Variants in QTGAL observed in about 807,000 individuals in gnomAD.
QTGAL encodes queuosine-tRNA galactosyltransferase, also known as BGnT-like protein 1.
chr17:83,038,094 G>A, the QTGAL span, among the ~76,000 whole-genome samples: 1 of 152,166 alleles, frequency 6.6e-6, no homozygotes, highest in Non-Finnish European at 1.5e-5. Context: ...ATCGTAATAA[G>A]TGAATCAGCC....
At chr17:83,019,340 C>T in the QTGAL span, among the ~76,000 whole-genome samples, 1 of 152,158 alleles carries the variant, frequency 6.6e-6, no homozygotes, top group Non-Finnish European at 1.5e-5. Flanking sequence ...GACAAAATAT[C>T]AGAAAACAAA....
the QTGAL span, among the ~76,000 whole-genome samples, chr17:82,982,164 A>G: frequency 0.013 from 125 of 9,482 alleles, no homozygotes; most frequent in African/African-American, 0.088. Context: ...GAGCGGGTGG[A>G]GGAGCCTCCA....
the QTGAL span, among the ~76,000 whole-genome samples, chr17:83,033,558 G>A: frequency 6.7e-6 from 1 of 149,516 alleles, no homozygotes; most frequent in Admixed American, 6.7e-5. Context: ...TGCAAGCTCC[G>A]CCTCCCGGGT....
At chr17:83,021,951 T>A in the QTGAL span, among the ~76,000 whole-genome samples, 1 of 152,004 alleles carries the variant, frequency 6.6e-6, no homozygotes, top group African/African-American at 2.4e-5. Context: ...CCAAGATAAT[T>A]CCACAGAGAA....
chr17:82,968,390 G>T, the QTGAL span, among the ~76,000 whole-genome samples: 27 of 99,038 alleles, frequency 2.7e-4, no homozygotes, highest in African/African-American at 1.1e-3. Flanking sequence ...TCGGCAACAG[G>T]GAAGGGAGGC....
chr17:82,976,953 G>A, the QTGAL span, among the ~76,000 whole-genome samples: 6 of 144,658 alleles, frequency 4.1e-5, 1 homozygote, highest in South Asian at 2.3e-4. Flanking sequence ...CGAGGGCCCC[G>A]GGACAGAGCC....
At chr17:83,006,008 G>C in the QTGAL span, 1 of 1,068,656 alleles carries the variant, frequency 9.4e-7, no homozygotes, top group Non-Finnish European at 1.1e-6. The surrounding 1 kb of genome is among the most constrained non-coding windows in gnomAD (Gnocchi z 5.8). Context: ...TGGCTGGAGA[G>C]AGGGCACCTG....
chr17:83,035,008 C>A, the QTGAL span: 9 of 1,533,254 alleles, frequency 5.9e-6, no homozygotes, highest in Non-Finnish European at 8.1e-6. Context: ...CACATTTATA[C>A]ATTATAAACA....
chr17:83,027,150 A>AG, the QTGAL span, among the ~76,000 whole-genome samples: 2 of 146,792 alleles, frequency 1.4e-5, no homozygotes, highest in Admixed American at 6.8e-5. Flanking sequence ...AGACACACGG[A>AG]GGGGGGCAGG....
chr17:82,953,359 G>T, the QTGAL span, among the ~76,000 whole-genome samples: 2 of 151,972 alleles, frequency 1.3e-5, no homozygotes, highest in African/African-American at 2.4e-5. Flanking sequence ...AGAGATACAA[G>T]CTACCATCAG....
chr17:82,965,548 C>T, the QTGAL span: 122 of 1,191,920 alleles, frequency 1.0e-4, no homozygotes, highest in African/African-American at 1.6e-3. Context: ...TGCAGAGCCC[C>T]GGAGGCATGG....
the QTGAL span, among the ~76,000 whole-genome samples, chr17:83,024,737 T>C: frequency 1.5e-3 from 225 of 152,352 alleles, 3 homozygotes; most frequent in Admixed American, 0.012. Context: ...AGGGTCATGA[T>C]GCCCGCAACA....
the QTGAL span, among the ~76,000 whole-genome samples, chr17:83,028,321 G>A: frequency 1.8e-4 from 27 of 151,362 alleles, no homozygotes; most frequent in South Asian, 8.3e-4. Flanking sequence ...TCAGGAGATC[G>A]AGACCATCCT....
chr17:82,960,366 G>A, the QTGAL span: 1 of 152,280 alleles, frequency 6.6e-6, no homozygotes, highest in African/African-American at 2.4e-5. Context: ...TACCCGTAGG[G>A]GCCGAGACGC....
the QTGAL span, among the ~76,000 whole-genome samples, chr17:83,015,862 C>T: frequency 3.3e-5 from 5 of 152,250 alleles, no homozygotes; most frequent in African/African-American, 4.8e-5. This position sits in a 1 kb window ranked among gnomAD's most constrained non-coding sequence, Gnocchi z 4.4. Context: ...CCCAAAACCA[C>T]GCCCCCCCAC....
chr17:82,942,760 T>G, the QTGAL span: 2 of 511,408 alleles, frequency 3.9e-6, no homozygotes, highest in Non-Finnish European at 6.9e-6. Context: ...AAAGGCTCAC[T>G]GCCCAGGGGT....
At chr17:83,010,677 GTTTA>G in the QTGAL span, among the ~76,000 whole-genome samples, 1 of 152,252 alleles carries the variant, frequency 6.6e-6, no homozygotes, top group Admixed American at 6.5e-5. Context: ...TGGAAGTCCT[GTTTA>G]TTTAAGTTAA....
chr17:83,016,893 T>C, the QTGAL span, among the ~76,000 whole-genome samples: 1 of 152,062 alleles, frequency 6.6e-6, no homozygotes. Context: ...AAGGGGCACG[T>C]CACTAACCTT....
At chr17:82,992,492 G>C in the QTGAL span, among the ~76,000 whole-genome samples, 1 of 152,114 alleles carries the variant, frequency 6.6e-6, no homozygotes, top group Non-Finnish European at 1.5e-5. Flanking sequence ...ATGAAGGAGA[G>C]ATAAAGACTT....
Sources: allele counts gnomAD v4.1 joint callset (sites outside exome capture counted in the v4.1 genomes callset), GRCh38; gene constraint gnomAD v4.1.1; non-coding constraint Gnocchi (gnomAD v3.1); transcripts MANE v1.5; gene names NCBI Gene and HGNC (gene_info 2026-07-23, HGNC 2026-07-21).